Variants in LRRC31 observed in about 807,000 individuals in gnomAD.
LRRC31 encodes the protein leucine rich repeat containing 31.
A neutral mutation model predicts 46.7 loss-of-function variants in LRRC31; 35 were observed. The observed-to-expected ratio is 0.75, with a 90% CI of 0.57 to 0.99. The LOEUF (loss-of-function observed/expected upper bound fraction) is 0.99, where lower values mean the gene tolerates loss of function less well. Among genes scored for constraint, LRRC31 ranks in the 50% least tolerant of loss-of-function variants. The pLI is 0.00. For missense variants in LRRC31, 613 were observed against 626.1 expected (o/e 0.98, Z 0.22); for synonymous variants, 236 against 235.1 (o/e 1.00, Z -0.03).
chr3:169,855,973 G>C (rs1442157864), intron 5 of LRRC31, among the ~76,000 whole-genome samples: 1 of 151,930 alleles, frequency 6.6e-6, no homozygotes, highest in Non-Finnish European at 1.5e-5. Context: ...CTCACCTCCT[G>C]AGTTCAAGCA....
chr3:169,868,254 G>A (rs929993149), intron 1 of LRRC31, among the ~76,000 whole-genome samples: 3 of 152,126 alleles, frequency 2.0e-5, no homozygotes, highest in Admixed American at 6.6e-5. Context: ...AGGCTCAGTC[G>A]TATCTAAAGC....
chr3:169,865,008 C>CA (rs1781286502), intron 1 of LRRC31, among the ~76,000 whole-genome samples: 1 of 148,682 alleles, frequency 6.7e-6, no homozygotes, highest in Admixed American at 6.6e-5. Context: ...ACCCAGAAGG[C>CA]AGAGGTTGCG....
intron 3 of LRRC31, among the ~76,000 whole-genome samples, chr3:169,858,333 T>G (rs1781035509): frequency 6.6e-6 from 1 of 152,164 alleles, no homozygotes; most frequent in Non-Finnish European, 1.5e-5. Context: ...GGGCAGAAAT[T>G]TCATTTTCTT....
rs1780378686 is a variant in LRRC31, at chr3:169,839,313, T to A, written c.*669A>T. ...TATGTTTTTCATACTGAGTTTTAGA[T>A]TTTTAATCACTTTTTACTAAGATTT... is the stretch of plus-strand genomic sequence containing the variant. On this transcript the variant is annotated 3_prime_UTR_variant, in exon 9 of 9. Coordinates refer to ENST00000316428, the MANE Select transcript of LRRC31 (RefSeq NM_024727.4). 1 of 152,232 alleles carries A rather than the reference T, an allele frequency of 6.6e-6. No individual in the cohort carries two copies. Among genetic ancestry groups the A allele is most frequent in the Non-Finnish European group, 1.5e-5 (1 of 68,042 alleles). The allele number at this position is 152,232 out of a possible 1,614,324, so 9.4% of individuals were successfully genotyped here. A position where few individuals can be genotyped will look rare whatever the true frequency, so the allele number is the denominator to read the frequency against.
At position 169,839,718 on chromosome 3, in the gene LRRC31, TAGAC is replaced by T. The variant is rs991369241; in HGVS notation, c.*260_*263del. The T allele has an allele frequency of 5.8e-5, 9 of 156,210 alleles. No individual in the cohort carries two copies. Among genetic ancestry groups the T allele is most frequent in the Admixed American group, 2.6e-4 (4 of 15,274 alleles). The allele number at this position is 156,210 out of a possible 1,614,324, so 9.7% of individuals were successfully genotyped here. ...ATTGAAAAATGCCATTTTTGTTTCA[TAGAC>T]AGAGAATAATGGCATGCTCATATTA... On this transcript the variant is annotated 3_prime_UTR_variant, in exon 9 of 9. Transcript: ENST00000316428.
At chr3:169,846,240 G>A (rs981149700) in intron 8 of LRRC31, among the ~76,000 whole-genome samples, 6 of 152,188 alleles carry the variant, frequency 3.9e-5, no homozygotes, top group African/African-American at 1.4e-4. Context: ...AGATTGAAAT[G>A]TCAGGAAACA....
chr3:169,867,941 C>T (rs747814278), intron 1 of LRRC31, among the ~76,000 whole-genome samples: 37 of 152,124 alleles, frequency 2.4e-4, no homozygotes, highest in Non-Finnish European at 5.1e-4. Context: ...CACCGAAGGA[C>T]AAACAAGGAA....
intron 8 of LRRC31, among the ~76,000 whole-genome samples, chr3:169,847,352 A>G (rs1780636992): frequency 6.6e-6 from 1 of 152,020 alleles, no homozygotes; most frequent in Non-Finnish European, 1.5e-5. Context: ...TGTCCTGCTA[A>G]TTTTGTATTT....
chr3:169,861,435 G>C (rs1460238042), intron 2 of LRRC31, among the ~76,000 whole-genome samples: 3 of 151,604 alleles, frequency 2.0e-5, no homozygotes, highest in African/African-American at 4.8e-5. Flanking sequence ...CAGGAGAATG[G>C]CGTGAACCCG....
At chr3:169,859,104 G>A (rs1362350372) in intron 3 of LRRC31, among the ~76,000 whole-genome samples, 2 of 149,414 alleles carry the variant, frequency 1.3e-5, no homozygotes, top group African/African-American at 4.9e-5. Flanking sequence ...AAATTAGCCA[G>A]GCATGGTGGT....
At chr3:169,857,124 T>C (rs4955678) in intron 3 of LRRC31, among the ~76,000 whole-genome samples, 42,509 of 150,788 alleles carry the variant, frequency 0.28, 6,583 homozygotes, top group East Asian at 0.62. Flanking sequence ...AAACAATTGT[T>C]GTTGTAGAAA....
In LRRC31 at chr3:169,848,375, C is replaced by T. The variant is rs112505466; in HGVS notation, c.1160-88G>A. ...ATTTGAGGAAACTGGTCTAGGACAA[C>T]ACATGAATATAACTGGGGTTGAGAA... On this transcript the variant is annotated intron_variant, in intron 7 of 8. Coordinates refer to ENST00000316428, the MANE Select transcript of LRRC31 (RefSeq NM_024727.4). 3.3e-6 allele frequency: 4 copies of T among 1,207,036 alleles called. 1 individual carries two copies. In the African/African-American group the frequency reaches 4.6e-5, roughly 14 times the overall value. The allele number at this position is 1,207,036 out of a possible 1,614,324, so 74.8% of individuals were successfully genotyped here. A position where few individuals can be genotyped will look rare whatever the true frequency, so the allele number is the denominator to read the frequency against.
Position 169,844,880 on chromosome 3 carries a change from C to T in LRRC31, c.1327+3240G>A, listed in dbSNP as rs752777478. Among the ~76,000 whole-genome samples the T allele has an allele frequency of 3.4e-5, 5 of 146,452 alleles. No homozygotes were observed. The East Asian group carries it at 6.0e-4, about 18-fold the overall frequency. On this transcript the variant is annotated intron_variant, in intron 8 of 8. Transcript: ENST00000316428. ...CCAGGAGTCGGAAGTTGTGGTGAGCCGAGATCATGCCACTGCACTCCAGCC... is the reference window on the plus strand; with the variant it reads ...CCAGGAGTCGGAAGTTGTGGTGAGCTGAGATCATGCCACTGCACTCCAGCC...
chr3:169,852,083 A>G (rs936969858), intron 6 of LRRC31, among the ~76,000 whole-genome samples: 1 of 152,108 alleles, frequency 6.6e-6, no homozygotes, highest in East Asian at 1.9e-4. Context: ...TCTGAACCTT[A>G]GCCTTCTCAA....
At chr3:169,840,426 G>C in intron 8 of LRRC31, 113 bp from the exon 9 acceptor site, 1 of 1,126,146 alleles carries the variant, frequency 8.9e-7, no homozygotes, top group Admixed American at 2.0e-5. Flanking sequence ...TTAGTAATTA[G>C]TAATGATTTG....
At chr3:169,855,408 C>T (rs16854478) in intron 5 of LRRC31, among the ~76,000 whole-genome samples, 1 of 152,026 alleles carries the variant, frequency 6.6e-6, no homozygotes, top group Admixed American at 6.6e-5. Context: ...TTCTGTGAAC[C>T]CGACCATGAT....
intron 3 of LRRC31, among the ~76,000 whole-genome samples, chr3:169,858,916 G>A (rs1194777881): frequency 7.1e-6 from 1 of 140,210 alleles, no homozygotes. Context: ...TGAGGCAGGA[G>A]AATCACTTGA....
At chr3:169,857,523 TA>T (rs1446836566) in intron 3 of LRRC31, among the ~76,000 whole-genome samples, 5 of 149,124 alleles carry the variant, frequency 3.4e-5, no homozygotes, top group African/African-American at 1.2e-4. Flanking sequence ...CGTGCTGCCT[TA>T]AGGGGTAAAG....
At position 169,850,417 on chromosome 3, in the gene LRRC31, C is replaced by A. The variant is rs1044873999; in HGVS notation, c.1159+1202G>T. On this transcript the variant is annotated intron_variant, in intron 7 of 8. Transcript: ENST00000316428. ...CCACATGTCTGGATGGGGAAAAGTC[C>A]CAGGATACGTAGCCTTCAGCCCTGC... 3.3e-5 allele frequency among the ~76,000 whole-genome samples: 5 copies of A among 152,236 alleles called. No individual in the cohort carries two copies. The East Asian group carries it at 9.7e-4, about 29-fold the overall frequency.
Sources: gnomAD v4.1 joint callset for allele counts (sites outside exome capture counted in the v4.1 genomes callset) on GRCh38, gnomAD v4.1.1 for gene constraint, MANE v1.5 for transcripts, NCBI Gene and HGNC (gene_info 2026-07-23, HGNC 2026-07-21) for gene names.